Variants in RBFOX1 observed in about 807,000 individuals in gnomAD.
The protein encoded by RBFOX1 is RNA binding fox-1 homolog 1, also known as RNA binding protein fox-1 homolog 1.
A neutral mutation model predicts 57.7 loss-of-function variants in RBFOX1; 8 were observed. The observed-to-expected ratio is 0.14, with a 90% CI of 0.08 to 0.25. RBFOX1 has a LOEUF of 0.25. RBFOX1 is among the 10% of genes least tolerant of loss of function. RBFOX1 has a pLI of 1.00. For synonymous variants in RBFOX1, 326 were observed against 222.4 expected (o/e 1.47, Z -4.15); for missense variants, 611 against 548.5 (o/e 1.11, Z -1.14).
intron 2 of RBFOX1, among the ~76,000 whole-genome samples, chr16:6,351,874 C>G (rs2152847427): frequency 6.6e-6 from 1 of 152,262 alleles, no homozygotes; most frequent in African/African-American, 2.4e-5. Context: ...TATTTTACAA[C>G]CTACCTACAA....
At chr16:7,604,205 G>C (rs993556299) in intron 9 of RBFOX1, among the ~76,000 whole-genome samples, 10 of 152,188 alleles carry the variant, frequency 6.6e-5, no homozygotes, top group African/African-American at 2.4e-4. Flanking sequence ...GGTTTCATGA[G>C]TGGGGGGAGA....
At chr16:5,938,159 C>T (rs976368736) in intron 4 of RBFOX1, among the ~76,000 whole-genome samples, 2 of 152,072 alleles carry the variant, frequency 1.3e-5, no homozygotes, top group Admixed American at 6.6e-5. Flanking sequence ...CACAGAAAAC[C>T]TGGAACCAAA....
At chr16:5,348,660 A>T (rs1249775369) in intron 1 of RBFOX1, among the ~76,000 whole-genome samples, 1 of 152,230 alleles carries the variant, frequency 6.6e-6, no homozygotes, top group African/African-American at 2.4e-5. Context: ...ATTTATATAA[A>T]TAGTAGGCTC....
At chr16:6,617,104 G>C (rs753519848) in intron 2 of RBFOX1, among the ~76,000 whole-genome samples, 1 of 152,032 alleles carries the variant, frequency 6.6e-6, no homozygotes, top group African/African-American at 2.4e-5. Context: ...GGCCCACCAC[G>C]AAGAGTTTTG....
chr16:5,330,984 T>A (rs199681283), intron 1 of RBFOX1, among the ~76,000 whole-genome samples: 1 of 8,476 alleles, frequency 1.2e-4, no homozygotes, highest in Admixed American at 0.011. Flanking sequence ...TCTCTGGTGG[T>A]TTTTTTCCAA....
At chr16:5,653,483 G>A (rs75071352) in intron 3 of RBFOX1, among the ~76,000 whole-genome samples, 3 of 37,540 alleles carry the variant, frequency 8.0e-5, no homozygotes, top group Non-Finnish European at 3.1e-4. Context: ...GTGCTGAGCC[G>A]TGTGCTGCGT....
chr16:6,270,970 G>T (rs1178275380), intron 1 of RBFOX1, among the ~76,000 whole-genome samples: 1 of 152,148 alleles, frequency 6.6e-6, no homozygotes, highest in East Asian at 1.9e-4. Context: ...GGAGTCTCCA[G>T]GAAAATAAAT....
At chr16:5,583,965 A>C (rs1449210295) in intron 2 of RBFOX1, among the ~76,000 whole-genome samples, 2 of 152,172 alleles carry the variant, frequency 1.3e-5, no homozygotes, top group Non-Finnish European at 2.9e-5. Flanking sequence ...CAGGGAGCTC[A>C]AGGCTGTGCC....
intron 3 of RBFOX1, among the ~76,000 whole-genome samples, chr16:6,928,082 C>A (rs1359948250): frequency 6.6e-6 from 1 of 152,136 alleles, no homozygotes; most frequent in Non-Finnish European, 1.5e-5. Context: ...CTGGGAGCTG[C>A]TTCTTTACTT....
chr16:6,912,054 G>C (rs2071760325), intron 3 of RBFOX1, among the ~76,000 whole-genome samples: 1 of 152,202 alleles, frequency 6.6e-6, no homozygotes, highest in Non-Finnish European at 1.5e-5. Context: ...CTTTGAGAGA[G>C]AAGTTTTCTT....
chr16:7,475,944 A>G (rs148657298), intron 4 of RBFOX1, among the ~76,000 whole-genome samples: 48 of 152,274 alleles, frequency 3.2e-4, no homozygotes, highest in African/African-American at 1.1e-3. Context: ...AAGAGCCAGT[A>G]GAGTAAGACA....
At chr16:5,508,505 C>G (rs544919077) in intron 2 of RBFOX1, among the ~76,000 whole-genome samples, 1 of 152,326 alleles carries the variant, frequency 6.6e-6, no homozygotes, top group East Asian at 1.9e-4. Flanking sequence ...CAGGTCCTGC[C>G]CACTCCCGAG....
At chr16:5,533,503 T>C (rs922805347) in intron 2 of RBFOX1, among the ~76,000 whole-genome samples, 4 of 152,162 alleles carry the variant, frequency 2.6e-5, no homozygotes, top group African/African-American at 9.7e-5. Flanking sequence ...AGTGCTTGTG[T>C]GTATTACAGA....
Position 6,528,649 on chromosome 16 carries a change from C to T in RBFOX1, c.-63-125954C>T, listed in dbSNP as rs143158768. On this transcript the variant is annotated intron_variant, in intron 2 of 15. Transcript: ENST00000550418. ...TGTGAACCAGCTGTGGGCAGGGGCT[C>T]ATCTTGATATCACTTGTGCTAGGCT... 6.3e-3 allele frequency among the ~76,000 whole-genome samples: 958 copies of T among 152,288 alleles called. 11 individuals are homozygous for T. The highest frequency in any genetic ancestry group is 0.021 in the African/African-American group (885 of 41,566).
intron 3 of RBFOX1, among the ~76,000 whole-genome samples, chr16:6,691,448 C>T (rs2060194519): frequency 6.9e-6 from 1 of 145,898 alleles, no homozygotes; most frequent in African/African-American, 2.4e-5. Context: ...GTACCTTTAC[C>T]ATCTATTCCT....
chr16:7,236,786 G>A (rs965895194), intron 4 of RBFOX1, among the ~76,000 whole-genome samples: 23 of 152,142 alleles, frequency 1.5e-4, no homozygotes, highest in African/African-American at 4.6e-4. Context: ...TCAGTGATAA[G>A]GCAGACAGTC....
intron 4 of RBFOX1, among the ~76,000 whole-genome samples, chr16:7,073,674 T>A (rs1386640988): frequency 3.3e-5 from 5 of 151,348 alleles, no homozygotes; most frequent in Admixed American, 6.6e-5. Context: ...CAAAACCCCT[T>A]CTCTACAAAA....
At chr16:6,604,497 A>T (rs1427433794) in intron 2 of RBFOX1, among the ~76,000 whole-genome samples, 1 of 152,140 alleles carries the variant, frequency 6.6e-6, no homozygotes, top group Admixed American at 6.6e-5. Flanking sequence ...GCACAATTGG[A>T]TTATAAAGTA....
chr16:5,261,546 A>G (rs1186044486), intron 1 of RBFOX1, among the ~76,000 whole-genome samples: 1 of 121,874 alleles, frequency 8.2e-6, no homozygotes, highest in Non-Finnish European at 1.7e-5. Context: ...CACTGTGTGT[A>G]TGGTTTTTTT....
Sources: allele counts gnomAD v4.1 joint callset (sites outside exome capture counted in the v4.1 genomes callset), GRCh38; gene constraint gnomAD v4.1.1; transcripts MANE v1.5; gene names NCBI Gene and HGNC (gene_info 2026-07-23, HGNC 2026-07-21).